Variants in JAKMIP3 observed in about 807,000 individuals in gnomAD.
The protein encoded by JAKMIP3 is janus kinase and microtubule-interacting protein 3.
JAKMIP3 carries 58 observed loss-of-function variants against 118.5 expected under a neutral mutation model. The observed-to-expected ratio is 0.49, with a 90% confidence interval of 0.40 to 0.61. The LOEUF (loss-of-function observed/expected upper bound fraction) is 0.61. JAKMIP3 is among the 20% of genes least tolerant of loss of function. The pLI, the probability that JAKMIP3 is intolerant of heterozygous loss-of-function variation, is 0.00. For missense variants in JAKMIP3, 950 were observed against 1,109.0 expected (o/e 0.86, Z 2.04); for synonymous variants, 486 against 451.2 (o/e 1.08, Z -0.98).
chr10:132,076,505 G>A (rs756525628), intron 1 of JAKMIP3, among the ~76,000 whole-genome samples: 6 of 152,272 alleles, frequency 3.9e-5, no homozygotes, highest in East Asian at 1.9e-4. Context: ...TTGTGTTTCC[G>A]TTCTCTTGGG....
chr10:132,155,212 CAAT>C lies in JAKMIP3; in HGVS notation c.2220+1223_2220+1225del, dbSNP rs535399107. Reference sequence around the variant, plus strand: ...TGATCATGATGGTGACAATAGTGATCAATGATGATGGTGATGATGGTGGTGGTG... The same window carrying C: ...TGATCATGATGGTGACAATAGTGATCGATGATGGTGATGATGGTGGTGGTG... On this transcript the variant is annotated intron_variant, in intron 19 of 23. Coordinates refer to ENST00000684848, the MANE Select transcript of JAKMIP3 (RefSeq NM_001323087.2). 1.5e-3 allele frequency among the ~76,000 whole-genome samples: 220 copies of C among 148,340 alleles called. 7 individuals are homozygous for C. The South Asian group carries it at 0.046, about 31-fold the overall frequency.
chr10:132,036,524 G>T (rs1447877310), upstream of JAKMIP3, among the ~76,000 whole-genome samples: 5 of 152,070 alleles, frequency 3.3e-5, no homozygotes, highest in Non-Finnish European at 5.9e-5. Flanking sequence ...CAGCGGCTCC[G>T]CGGAGACCGG....
chr10:132,105,814 A>T (rs1188717491), intron 2 of JAKMIP3, among the ~76,000 whole-genome samples: 1 of 134,832 alleles, frequency 7.4e-6, no homozygotes, highest in African/African-American at 2.9e-5. Context: ...TCACGCGTGG[A>T]TGGTGTCCCC....
At chr10:132,156,469 A>C (rs2057104761) in intron 19 of JAKMIP3, among the ~76,000 whole-genome samples, 1 of 152,120 alleles carries the variant, frequency 6.6e-6, no homozygotes, top group African/African-American at 2.4e-5. Context: ...AGCCACCACC[A>C]CAGCAGGCCG....
intron 6 of JAKMIP3, among the ~76,000 whole-genome samples, chr10:132,136,394 G>C (rs1564941947): frequency 6.6e-6 from 1 of 152,244 alleles, no homozygotes; most frequent in Admixed American, 6.5e-5. Flanking sequence ...GGCGAGGGTA[G>C]TAAGAGGCTG....
At chr10:132,147,927 A>C in intron 13 of JAKMIP3, 25 bp from the exon 14 acceptor site, 1 of 1,523,424 alleles carries the variant, frequency 6.6e-7, no homozygotes, top group South Asian at 1.2e-5. Context: ...CAGACCCCTC[A>C]CCTCATGCAT....
At chr10:132,135,701 C>T (rs973860486) in intron 5 of JAKMIP3, among the ~76,000 whole-genome samples, 4 of 152,170 alleles carry the variant, frequency 2.6e-5, no homozygotes, top group Admixed American at 2.0e-4. Flanking sequence ...GGGCACCGGG[C>T]GAGCGGGTTC....
chr10:132,135,465 G>A (rs1336303276), intron 5 of JAKMIP3, among the ~76,000 whole-genome samples: 2 of 152,180 alleles, frequency 1.3e-5, no homozygotes, highest in African/African-American at 4.8e-5. Context: ...TGTTGCCATT[G>A]GTCCTTATAG....
upstream of JAKMIP3, among the ~76,000 whole-genome samples, chr10:132,060,828 C>T (rs1191745548): frequency 3.9e-5 from 6 of 151,994 alleles, no homozygotes; most frequent in Non-Finnish European, 7.4e-5. Flanking sequence ...GAGACCAGCT[C>T]GGCCAACATG....
intron 21 of JAKMIP3, 120 bp from the exon 22 acceptor site, chr10:132,166,863 C>T: frequency 1.4e-6 from 1 of 736,346 alleles, no homozygotes; most frequent in Non-Finnish European, 2.3e-6. Flanking sequence ...AGCGTCCTCT[C>T]CTCCCTGCCA....
intron 1 of JAKMIP3, among the ~76,000 whole-genome samples, chr10:132,100,367 G>A (rs927393323): frequency 6.6e-6 from 1 of 152,200 alleles, no homozygotes; most frequent in African/African-American, 2.4e-5. Flanking sequence ...CAAGGTGGGG[G>A]TGTCTGGGCC....
chr10:132,180,604 C>T (rs1438766855), intron 23 of JAKMIP3, among the ~76,000 whole-genome samples: 480 of 11,962 alleles, frequency 0.04, 107 homozygotes, highest in African/African-American at 0.12. Context: ...TGTGCGTGCG[C>T]GTGTGTGTGT....
intron 1 of JAKMIP3, among the ~76,000 whole-genome samples, chr10:132,089,693 C>G (rs1029431226): frequency 6.6e-6 from 1 of 152,048 alleles, no homozygotes; most frequent in Non-Finnish European, 1.5e-5. Flanking sequence ...AATTGAATAC[C>G]CTTTATTTCT....
intron 1 of JAKMIP3, among the ~76,000 whole-genome samples, chr10:132,058,580 A>G (rs926023792): frequency 6.6e-6 from 1 of 152,180 alleles, no homozygotes; most frequent in Non-Finnish European, 1.5e-5. Context: ...GAACTTCAGC[A>G]ATGACTCATT....
intron 20 of JAKMIP3, among the ~76,000 whole-genome samples, chr10:132,163,821 G>A (rs950872034): frequency 3.3e-5 from 5 of 152,218 alleles, no homozygotes; most frequent in African/African-American, 1.2e-4. Flanking sequence ...CCTGGGTACT[G>A]TCTTTTCCGT....
Position 132,036,951 on chromosome 10 carries a change from G to T in JAKMIP3, c.-138+213G>T, listed in dbSNP as rs186912623. On this transcript the variant is annotated intron_variant, in intron 1 of 23. Transcript: ENST00000657785. ...CCCCCCGTGGGCGGGTCCTCTCCAC[G>T]GCACCCCCTGCCCTGCACAGGCCTC... Among the ~76,000 whole-genome samples the T allele has an allele frequency of 2.9e-3, 434 of 152,082 alleles. 3 individuals carry two copies. The highest frequency in any genetic ancestry group is 9.4e-3 in the African/African-American group (390 of 41,512).
chr10:132,180,726 TGTGC>T (rs1411494691), intron 23 of JAKMIP3, among the ~76,000 whole-genome samples: 581 of 21,116 alleles, frequency 0.028, 165 homozygotes, highest in Admixed American at 0.15. Context: ...TGTGCGTGTG[TGTGC>T]GTGTGTGCGT....
At chr10:132,067,239 C>T (rs549285096) in intron 1 of JAKMIP3, among the ~76,000 whole-genome samples, 7 of 147,526 alleles carry the variant, frequency 4.7e-5, no homozygotes, top group African/African-American at 1.3e-4. Flanking sequence ...GAAGACAAGA[C>T]GCCTGGCACA....
At chr10:132,145,668 C>T (rs576422887) in intron 13 of JAKMIP3, 88 bp downstream of exon 13, 38 of 1,153,646 alleles carry the variant, frequency 3.3e-5, no homozygotes, top group South Asian at 1.1e-4. Context: ...AAGGATGGAG[C>T]GAGGGCTGAG....
Sources: allele counts gnomAD v4.1 joint callset (sites outside exome capture counted in the v4.1 genomes callset), GRCh38; gene constraint gnomAD v4.1.1; transcripts MANE v1.5; gene names NCBI Gene and HGNC (gene_info 2026-07-23, HGNC 2026-07-21).